Variants in CNTN3 observed in about 807,000 individuals in gnomAD.
The protein encoded by CNTN3 is contactin 3, also known as contactin-3.
A neutral mutation model predicts 119.1 loss-of-function variants in CNTN3; 60 were observed. That is an observed-to-expected ratio of 0.50 (90% confidence interval 0.41 to 0.62). The LOEUF (loss-of-function observed/expected upper bound fraction) is 0.62, where lower values mean the gene tolerates loss of function less well. CNTN3 is among the 20% of genes least tolerant of loss of function. CNTN3 has a pLI of 0.00. For missense variants in CNTN3, 1,101 were observed against 1,242.4 expected (o/e 0.89, Z 1.71); for synonymous variants, 450 against 438.7 (o/e 1.03, Z -0.32).
chr3:74,449,873 T>A (rs1559607998), intron 4 of CNTN3, among the ~76,000 whole-genome samples: 2 of 152,282 alleles, frequency 1.3e-5, no homozygotes, highest in East Asian at 1.9e-4. Flanking sequence ...AACCTTAGCA[T>A]GAAGCAAAAG....
chr3:74,285,201 G>T, intron 20 of CNTN3, 104 bp downstream of exon 20: 1 of 1,227,228 alleles, frequency 8.1e-7, no homozygotes, highest in Non-Finnish European at 1.1e-6. Context: ...ATATAATCTA[G>T]TGAGATTAAT....
chr3:74,460,785 A>ATATATATG, intron 4 of CNTN3, among the ~76,000 whole-genome samples: 1 of 27,448 alleles, frequency 3.6e-5, no homozygotes, highest in South Asian at 6.0e-4. Flanking sequence ...ATATATATAT[A>ATATATATG]TATATATATA....
chr3:74,600,696 A>G (rs543706312), intron 1 of CNTN3, among the ~76,000 whole-genome samples: 64 of 152,168 alleles, frequency 4.2e-4, no homozygotes, highest in African/African-American at 1.5e-3. Flanking sequence ...TCAAGTAGTC[A>G]ACACTACCCA....
intron 1 of CNTN3, among the ~76,000 whole-genome samples, chr3:74,600,438 C>A (rs1002940151): frequency 1.3e-5 from 2 of 152,076 alleles, no homozygotes. Context: ...TGCTTCTGGA[C>A]GTGGGAAATA....
intron 11 of CNTN3, among the ~76,000 whole-genome samples, chr3:74,353,649 G>C (rs1028893502): frequency 6.6e-6 from 1 of 151,956 alleles, no homozygotes; most frequent in African/African-American, 2.4e-5. Context: ...CCAGCTACTC[G>C]GGAGGCCGAG....
At chr3:74,592,727 A>C (rs1001787643) in intron 1 of CNTN3, among the ~76,000 whole-genome samples, 2 of 152,022 alleles carry the variant, frequency 1.3e-5, no homozygotes, top group African/African-American at 4.8e-5. Context: ...CAAAGAAGTT[A>C]ATCTTTAGAA....
intron 21 of CNTN3, 39 bp from the exon 22 acceptor site, chr3:74,266,688 C>A: frequency 1.3e-6 from 2 of 1,588,318 alleles, no homozygotes; most frequent in Non-Finnish European, 1.7e-6. Flanking sequence ...TGTTATATTG[C>A]CCATTTTTGT....
intron 1 of CNTN3, among the ~76,000 whole-genome samples, chr3:74,565,137 A>C (rs1008422715): frequency 3.9e-5 from 6 of 152,184 alleles, no homozygotes; most frequent in African/African-American, 1.2e-4. Context: ...TACTATAACA[A>C]GTTATCACAC....
intron 1 of CNTN3, among the ~76,000 whole-genome samples, chr3:74,577,428 G>C (rs999138005): frequency 6.6e-6 from 1 of 152,012 alleles, no homozygotes; most frequent in Non-Finnish European, 1.5e-5. Flanking sequence ...TCTCAAGAGT[G>C]GGGGGGAAAA....
intron 4 of CNTN3, among the ~76,000 whole-genome samples, chr3:74,471,819 T>C (rs1023254673): frequency 2.6e-5 from 4 of 152,204 alleles, no homozygotes; most frequent in African/African-American, 9.6e-5. Flanking sequence ...TTTTCCTTTA[T>C]AGTTATCTGT....
chr3:74,272,870 A>G (rs1487382707), intron 20 of CNTN3, among the ~76,000 whole-genome samples: 1 of 152,180 alleles, frequency 6.6e-6, no homozygotes, highest in Admixed American at 6.5e-5. Context: ...ACTTATTATT[A>G]TTAAACTTAC....
chr3:74,297,313 G>T (rs555608972), intron 18 of CNTN3, among the ~76,000 whole-genome samples: 17 of 151,134 alleles, frequency 1.1e-4, no homozygotes, highest in Admixed American at 7.9e-4. Context: ...TAAATTGATG[G>T]TTATGATCTG....
chr3:74,499,853 T>C, intron 2 of CNTN3, 68 bp from the exon 3 acceptor site: 2 of 1,470,026 alleles, frequency 1.4e-6, no homozygotes, highest in Non-Finnish European at 1.8e-6. Context: ...TACATTCCAG[T>C]ATTGAAGAAA....
intron 19 of CNTN3, among the ~76,000 whole-genome samples, chr3:74,293,518 A>G (rs887141350): frequency 6.6e-5 from 10 of 152,192 alleles, no homozygotes; most frequent in Non-Finnish European, 1.3e-4. Context: ...TCTGTCATCC[A>G]GGCTACAGTG....
chr3:74,519,869 C>T (rs1703513235), intron 2 of CNTN3, among the ~76,000 whole-genome samples: 1 of 151,374 alleles, frequency 6.6e-6, no homozygotes, highest in Non-Finnish European at 1.5e-5. Context: ...TACAAAAAAC[C>T]TCTTTCTTTT....
chr3:74,600,361 T>C (rs1704889948), intron 1 of CNTN3, among the ~76,000 whole-genome samples: 1 of 151,978 alleles, frequency 6.6e-6, no homozygotes, highest in Admixed American at 6.6e-5. Context: ...GAAAAAGCAA[T>C]AGTTCCCATT....
chr3:74,319,030 G>A (rs1101694), intron 13 of CNTN3, among the ~76,000 whole-genome samples: 1 of 151,956 alleles, frequency 6.6e-6, no homozygotes, highest in Non-Finnish European at 1.5e-5. Context: ...ACAAACAAAT[G>A]GAAGAACATT....
At position 74,550,682 on chromosome 3, in the gene CNTN3, G is replaced by A. The variant is rs561457774; in HGVS notation, c.-80-29490C>T. ...GCCTCCCAAGTAGCTGGGACTACAGGCATGTGCCACCATACCCAGGTAAGT... is the reference window on the plus strand; with the variant it reads ...GCCTCCCAAGTAGCTGGGACTACAGACATGTGCCACCATACCCAGGTAAGT... On this transcript the variant is annotated intron_variant, in intron 1 of 22. Coordinates refer to ENST00000263665, the MANE Select transcript of CNTN3 (RefSeq NM_020872.3). Among the ~76,000 whole-genome samples, 4 of 152,288 alleles carry A rather than the reference G, an allele frequency of 2.6e-5. No individual in the cohort carries two copies. In the South Asian group the frequency reaches 8.3e-4, roughly 32 times the overall value.
intron 1 of CNTN3, among the ~76,000 whole-genome samples, chr3:74,584,816 A>T (rs1164457113): frequency 6.6e-6 from 1 of 152,162 alleles, no homozygotes; most frequent in African/African-American, 2.4e-5. Context: ...ACTGGGGCTT[A>T]TAGAAATGTC....
Sources: gnomAD v4.1 joint callset for allele counts (sites outside exome capture counted in the v4.1 genomes callset) on GRCh38, gnomAD v4.1.1 for gene constraint, MANE v1.5 for transcripts, NCBI Gene and HGNC (gene_info 2026-07-23, HGNC 2026-07-21) for gene names.